EFCC1: variants seen among roughly 807,000 people sequenced by gnomAD.
EFCC1 encodes the protein EF-hand and coiled-coil domain containing 1.
A neutral mutation model predicts 52.1 loss-of-function variants in EFCC1; 50 were observed. The observed-to-expected ratio is 0.96, with a 90% CI of 0.76 to 1.21. The LOEUF (loss-of-function observed/expected upper bound fraction) is 1.21, where lower values mean the gene tolerates loss of function less well. EFCC1 is among the 50% of genes most tolerant of loss of function. The probability of loss-of-function intolerance (pLI) is 0.00; values close to 1 mark genes in which losing one functional copy is unlikely to be tolerated. For missense variants in EFCC1, 837 were observed against 867.3 expected (o/e 0.97, Z 0.44); for synonymous variants, 399 against 396.5 (o/e 1.01, Z -0.08).
At chr3:129,006,376 G>A (rs1945075690) in intron 2 of EFCC1, among the ~76,000 whole-genome samples, 1 of 152,222 alleles carries the variant, frequency 6.6e-6, no homozygotes, top group African/African-American at 2.4e-5. Context: ...GAGTGCAATG[G>A]TGCGATCTTG....
Position 129,003,791 on chromosome 3 carries a change from C to T in EFCC1, c.697-3C>T. ...CCCTGCCCCTGCTGCCCTGTCCCCGCAGGTCGGACTCTGGAAGAGCCAGGC... is the reference window on the plus strand; with the variant it reads ...CCCTGCCCCTGCTGCCCTGTCCCCGTAGGTCGGACTCTGGAAGAGCCAGGC... On this transcript the variant is annotated splice_polypyrimidine_tract_variant and splice_region_variant and intron_variant, in intron 1 of 7. Coordinates refer to ENST00000683648, the MANE Select transcript of EFCC1 (RefSeq NM_001377500.1). 1.4e-6 allele frequency: 2 copies of T among 1,447,548 alleles called. No homozygotes were observed. The highest frequency in any genetic ancestry group is 1.8e-6 in the Non-Finnish European group (2 of 1,105,178). 89.7% of individuals were successfully genotyped at this position (1,447,548 alleles called of 1,614,324 possible).
chr3:129,003,198 C>T (rs948395082), intron 1 of EFCC1: 4 of 984,548 alleles, frequency 4.1e-6, no homozygotes, highest in African/African-American at 3.5e-5. Context: ...AGGGTGGAGG[C>T]GGGAAACTAC....
Position 129,034,235 on chromosome 3 carries a change from C to T in EFCC1, c.1358C>T (p.Thr453Ile), listed in dbSNP as rs1284494804. The T allele has an allele frequency of 6.2e-7, 1 of 1,614,086 alleles. No individual in the cohort carries two copies. Among genetic ancestry groups the T allele is most frequent in the Non-Finnish European group, 8.5e-7 (1 of 1,180,046 alleles). The change falls in exon 5 of 8, where the codon ACC becomes ATC. Residue 453 changes from threonine (T) to isoleucine (I), a missense_variant. Physicochemically the swap from Thr to Ile is moderately conservative, Grantham distance 89. Coordinates refer to ENST00000683648, the MANE Select transcript of EFCC1 (RefSeq NM_001377500.1). ...GHFGGANHAH[T>I]LGELEACIAM... Reference sequence around the variant, plus strand: ...TTCGGCGGTGCCAACCATGCCCATACCCTGGGGGAGCTGGAGGCCTGCATT... The same window carrying T: ...TTCGGCGGTGCCAACCATGCCCATATCCTGGGGGAGCTGGAGGCCTGCATT...
rs1309009435 is a variant in EFCC1, at chr3:129,001,395, C to G, written c.-234C>G. On this transcript the variant is annotated 5_prime_UTR_variant, in exon 1 of 8. Coordinates refer to ENST00000683648, the MANE Select transcript of EFCC1 (RefSeq NM_001377500.1). The stretch of plus-strand genomic sequence containing the variant: ...AGACGCCGACCGGGCACTGGTGGCG[C>G]TGCCGGGGTCCCGGGGGTTCCTGGA... Among the ~76,000 whole-genome samples the G allele has an allele frequency of 1.3e-5, 2 of 152,238 alleles. No individual in the cohort carries two copies. Among genetic ancestry groups the G allele is most frequent in the Non-Finnish European group, 2.9e-5 (2 of 68,036 alleles).
At chr3:129,027,391 C>T (rs1024658325) in intron 2 of EFCC1, among the ~76,000 whole-genome samples, 12 of 152,168 alleles carry the variant, frequency 7.9e-5, no homozygotes, top group African/African-American at 2.9e-4. Flanking sequence ...GCGGGCCCTC[C>T]AAGTGCCAAG....
intron 2 of EFCC1, among the ~76,000 whole-genome samples, chr3:129,022,500 T>C (rs1284096473): frequency 6.6e-6 from 1 of 152,080 alleles, no homozygotes; most frequent in African/African-American, 2.4e-5. Context: ...CCTTGTCAGA[T>C]TGTATAAGCC....
At chr3:129,022,134 A>G (rs1945877156) in intron 2 of EFCC1, among the ~76,000 whole-genome samples, 1 of 152,148 alleles carries the variant, frequency 6.6e-6, no homozygotes, top group African/African-American at 2.4e-5. Context: ...TGTCATATCT[A>G]TATAGAACCT....
intron 2 of EFCC1, among the ~76,000 whole-genome samples, chr3:129,013,774 A>T (rs1327582944): frequency 1.3e-5 from 2 of 152,222 alleles, no homozygotes; most frequent in Non-Finnish European, 2.9e-5. Context: ...GCCCTGCCCG[A>T]CACATGGGCC....
chr3:129,031,203 G>A lies in EFCC1; in HGVS notation c.1138+343G>A, dbSNP rs185893132. Among the ~76,000 whole-genome samples, 234 of 152,348 alleles carry A rather than the reference G, an allele frequency of 1.5e-3. 4 individuals carry two copies. Among genetic ancestry groups the A allele is most frequent in the Non-Finnish European group, 2.0e-3 (137 of 68,038 alleles). ...CCAGCACTTTGAGAGGCTGAGGCGG[G>A]TAGACTGCTTGAGCTCAGGGGTTCG... On this transcript the variant is annotated intron_variant, in intron 3 of 7. Transcript: ENST00000683648.
chr3:129,017,767 C>T lies in EFCC1; in HGVS notation c.981-12936C>T, dbSNP rs112342934. Among the ~76,000 whole-genome samples, 1,305 of 152,334 alleles carry T rather than the reference C, an allele frequency of 8.6e-3. 20 individuals carry two copies. The highest frequency in any genetic ancestry group is 0.03 in the African/African-American group (1,226 of 41,552). ...TCCCGTCTTCTGGTCAGCTGTGCCACAGAACATCATGCCATCTCTGAGTGA... is the reference window on the plus strand; with the variant it reads ...TCCCGTCTTCTGGTCAGCTGTGCCATAGAACATCATGCCATCTCTGAGTGA... On this transcript the variant is annotated intron_variant, in intron 2 of 7. Coordinates refer to ENST00000683648, the MANE Select transcript of EFCC1 (RefSeq NM_001377500.1).
Position 129,030,786 on chromosome 3 carries a change from C to T in EFCC1, c.1064C>T (p.Thr355Ile), listed in dbSNP as rs1036432619. 1.6e-5 allele frequency: 25 copies of T among 1,551,658 alleles called. 1 individual carries two copies. The Middle Eastern group carries it at 8.3e-4, about 52-fold the overall frequency. The change falls in exon 3 of 8, where the codon ACC (threonine) becomes ATC (isoleucine). Residue 355 changes from threonine (T) to isoleucine (I), a missense_variant. Physicochemically the swap from Thr to Ile is moderately conservative, Grantham distance 89 (BLOSUM62 -1). Transcript: ENST00000683648. ...DKSNEPEDAG[T>I]RDPDPTPEGA... The stretch of plus-strand genomic sequence containing the variant: ...AGTAATGAACCTGAAGATGCTGGGA[C>T]CAGAGACCCAGACCCCACTCCAGAG...
At chr3:129,002,691 G>A in intron 1 of EFCC1, 1 of 260,004 alleles carries the variant, frequency 3.8e-6, no homozygotes, top group Non-Finnish European at 7.2e-6. Flanking sequence ...TCTCCTTCCT[G>A]CCAGGCTTCT....
At chr3:129,026,815 G>T (rs561347677) in intron 2 of EFCC1, among the ~76,000 whole-genome samples, 25 of 152,282 alleles carry the variant, frequency 1.6e-4, no homozygotes, top group African/African-American at 5.5e-4. Flanking sequence ...ATTGAAGCAA[G>T]AATCCCCACC....
chr3:129,024,851 C>G (rs965217290), intron 2 of EFCC1, among the ~76,000 whole-genome samples: 3 of 152,188 alleles, frequency 2.0e-5, no homozygotes, highest in Admixed American at 2.0e-4. Flanking sequence ...CACATTCAAA[C>G]CATAGCAGAG....
chr3:129,025,706 G>T (rs529012984), intron 2 of EFCC1, among the ~76,000 whole-genome samples: 26 of 152,294 alleles, frequency 1.7e-4, no homozygotes, highest in Admixed American at 5.9e-4. Flanking sequence ...AGGGGCAATG[G>T]GAGAAGCAGT....
At chr3:129,020,115 C>A (rs940980437) in intron 2 of EFCC1, among the ~76,000 whole-genome samples, 1 of 151,958 alleles carries the variant, frequency 6.6e-6, no homozygotes, top group Non-Finnish European at 1.5e-5. Context: ...CCATATTGGA[C>A]GATGCAGGCC....
rs1222528394 is a variant in EFCC1 at position 129,002,308 on chromosome 3, G to T, written c.680G>T (p.Arg227Leu). The change falls in exon 1 of 8, where the codon CGC (arginine) becomes CTC (leucine). Residue 227 changes from arginine to leucine, a missense_variant. Physicochemically the swap from Arg to Leu is moderately radical, Grantham distance 102 (BLOSUM62 -2). Transcript: ENST00000683648. ...GCCGCGCTGCAGAGCAGTGATGCGC[G>T]CTGCCTAGCACTGCAGGTGCGCGCC... is the stretch of plus-strand genomic sequence containing the variant. The part of the protein sequence containing the change: ...LRAALQSSDA[R>L]CLALQVGLWK... The T allele has an allele frequency of 1.3e-6, 2 of 1,525,322 alleles. No homozygotes were observed. The highest frequency in any genetic ancestry group is 8.7e-7 in the Non-Finnish European group (1 of 1,143,136). The allele number at this position is 1,525,322 out of a possible 1,614,324, so 94.5% of individuals were successfully genotyped here.
At chr3:129,031,303 T>G (rs1451018320) in intron 3 of EFCC1, among the ~76,000 whole-genome samples, 2 of 152,186 alleles carry the variant, frequency 1.3e-5, no homozygotes, top group African/African-American at 4.8e-5. Context: ...TGGTGGCACA[T>G]GCCTATAGTC....
At chr3:129,006,644 A>T (rs1167436910) in intron 2 of EFCC1, among the ~76,000 whole-genome samples, 1 of 152,282 alleles carries the variant, frequency 6.6e-6, no homozygotes, top group South Asian at 2.1e-4. Context: ...GTAAGGAAGA[A>T]GTAGGAGCAG....
Sources: gnomAD v4.1 joint callset for allele counts (sites outside exome capture counted in the v4.1 genomes callset) on GRCh38, gnomAD v4.1.1 for gene constraint, MANE v1.5 for transcripts, NCBI Gene and HGNC (gene_info 2026-07-23, HGNC 2026-07-21) for gene names.